Variants in CAMTA2 observed in about 807,000 individuals in gnomAD.
CAMTA2 encodes the protein calmodulin binding transcription activator 2.
In CAMTA2, 56 loss-of-function variants were observed where a neutral mutation model predicts 135.7. That is an observed-to-expected ratio of 0.41 (90% CI 0.33 to 0.52). The LOEUF (loss-of-function observed/expected upper bound fraction) is 0.52, where lower values mean the gene tolerates loss of function less well. Ranked by LOEUF, CAMTA2 falls within the 20% of genes least tolerant of loss-of-function variation. The pLI, the probability that CAMTA2 is intolerant of heterozygous loss-of-function variation, is 0.16. For missense variants in CAMTA2, 1,358 were observed against 1,553.4 expected, an observed-to-expected ratio of 0.87 and a Z score of 2.11; for synonymous variants, 591 against 604.6, an observed-to-expected ratio of 0.98 and a Z score of 0.33.
rs1156368080 is a variant in CAMTA2, at chr17:4,980,340, G to A, written c.982C>T (p.Leu328=). The A allele has an allele frequency of 9.3e-6, 15 of 1,613,922 alleles. No individual in the cohort carries two copies. The highest frequency in any genetic ancestry group is 1.6e-4 in the Middle Eastern group (1 of 6,084). Residue 328 remains leucine (L), a synonymous_variant, in exon 9 of 23, where the codon CTG becomes TTG. Transcript: ENST00000348066. The surrounding 1 kb of genome is among the most constrained non-coding windows in gnomAD (Gnocchi z 5.3). ...SSRGGTAILL[L]TGLEQRAGGL... ...CCAGCCCGCTGCTCCAGTCCTGTCA[G>A]GAGGAGGATAGCAGTGCCTCCTCTT... is the stretch of plus-strand genomic sequence containing the variant.
At position 4,972,549 on chromosome 17, in the gene CAMTA2, G is replaced by A. The variant is rs1972361378; in HGVS notation, c.2504-13C>T. 1 of 1,597,756 alleles carries A rather than the reference G, an allele frequency of 6.3e-7. No individual in the cohort carries two copies. Among genetic ancestry groups the A allele is most frequent in the Admixed American group, 1.8e-5 (1 of 55,798 alleles). On this transcript the variant is annotated splice_polypyrimidine_tract_variant and intron_variant, in intron 15 of 22. Coordinates refer to ENST00000348066, the MANE Select transcript of CAMTA2 (RefSeq NM_015099.4). ...ACGCTGCTCAGACCTGTGTGGGGAGGGAAGAGAGTGAGGGCAGCCGGAGCC... is the reference window on the plus strand; with the variant it reads ...ACGCTGCTCAGACCTGTGTGGGGAGAGAAGAGAGTGAGGGCAGCCGGAGCC...
intron 1 of CAMTA2, chr17:4,986,928 T>A: frequency 6.6e-7 from 1 of 1,513,136 alleles, no homozygotes; most frequent in Non-Finnish European, 8.9e-7. Context: ...CGCCTCTGCC[T>A]CCCCTGGCCT....
chr17:4,982,902 GA>G lies in CAMTA2; in HGVS notation c.204-11del. The G allele has an allele frequency of 6.2e-7, 1 of 1,614,186 alleles. No individual in the cohort carries two copies. Among genetic ancestry groups the G allele is most frequent in the Non-Finnish European group, 8.5e-7 (1 of 1,180,030 alleles). On this transcript the variant is annotated splice_polypyrimidine_tract_variant and intron_variant, in intron 4 of 22. Coordinates refer to ENST00000348066, the MANE Select transcript of CAMTA2 (RefSeq NM_015099.4). The stretch of plus-strand genomic sequence containing the variant: ...GGAGCCATTCTGAGGCCTGGGAAGG[GA>G]AGGGTTGCCCTGGAGTTCTGTGAAC...
chr17:4,986,927 C>T (rs1411980962), intron 1 of CAMTA2: 1 of 1,514,408 alleles, frequency 6.6e-7, no homozygotes. Context: ...ACGCCTCTGC[C>T]TCCCCTGGCC....
chr17:4,968,500 A>C lies in CAMTA2; in HGVS notation c.*256T>G. On this transcript the variant is annotated 3_prime_UTR_variant, in exon 23 of 23. Transcript: ENST00000348066. ...GGAGCAGGGGCAGGCAGGGCTCCGG[A>C]GGTCACAGCGGAAGATGCAGGTATG... 1 of 574,024 alleles carries C rather than the reference A, an allele frequency of 1.7e-6. No individual in the cohort carries two copies. The allele number at this position is 574,024 out of a possible 1,614,324, so 35.6% of individuals were successfully genotyped here. A position where few individuals can be genotyped will look rare whatever the true frequency, so the allele number is the denominator to read the frequency against.
Position 4,968,752 on chromosome 17 carries a change from C to T in CAMTA2, c.*4G>A. On this transcript the variant is annotated 3_prime_UTR_variant, in exon 23 of 23. Transcript: ENST00000348066. ...CCAGGGTGGTGAGAAAGGCGGTGGC[C>T]AGGTCATGTGGCCAGTCCCGGCTGG... The T allele has an allele frequency of 1.2e-6, 2 of 1,614,002 alleles. No individual in the cohort carries two copies. The highest frequency in any genetic ancestry group is 1.7e-6 in the Non-Finnish European group (2 of 1,179,996).
chr17:4,984,560 ACATACAC>A (rs1567699754), intron 3 of CAMTA2, among the ~76,000 whole-genome samples: 1 of 151,936 alleles, frequency 6.6e-6, no homozygotes, highest in Non-Finnish European at 1.5e-5. Context: ...CAACAATCAC[ACATACAC>A]ACATACACGC....
intron 1 of CAMTA2, chr17:4,987,295 CAT>C (rs1002578958): frequency 7.4e-7 from 1 of 1,343,738 alleles, no homozygotes; most frequent in African/African-American, 1.5e-5. Flanking sequence ...GTCCCGCCCG[CAT>C]AGAGGGATGT....
intron 1 of CAMTA2, chr17:4,987,303 G>A: frequency 7.4e-7 from 1 of 1,345,102 alleles, no homozygotes; most frequent in Non-Finnish European, 9.5e-7. Flanking sequence ...CGCATAGAGG[G>A]ATGTTCTGGA....
intron 3 of CAMTA2, among the ~76,000 whole-genome samples, chr17:4,984,555 AT>A (rs1194243665): frequency 6.6e-6 from 1 of 152,216 alleles, no homozygotes; most frequent in East Asian, 1.9e-4. Flanking sequence ...ACTTACAACA[AT>A]CACACATACA....
intron 15 of CAMTA2, 42 bp downstream of exon 15, chr17:4,972,727 C>G (rs754263520): frequency 8.2e-6 from 13 of 1,582,354 alleles, no homozygotes; most frequent in Non-Finnish European, 1.1e-5. Context: ...GCCTATCCTC[C>G]TACCTACATC....
chr17:4,970,295 C>T (rs1314630814), intron 17 of CAMTA2, 45 bp downstream of exon 17: 1 of 1,597,210 alleles, frequency 6.3e-7, no homozygotes, highest in South Asian at 1.1e-5. Flanking sequence ...CCCTTCCTCC[C>T]ATCTTCCTTT....
Position 4,968,783 on chromosome 17 carries a change from C to T in CAMTA2, c.3582G>A (p.Gly1194=), listed in dbSNP as rs1972069241. Residue 1194 remains glycine, a synonymous_variant, in exon 23 of 23, where the codon GGG becomes GGA. Coordinates refer to ENST00000348066, the MANE Select transcript of CAMTA2 (RefSeq NM_015099.4). ...RELKQNQELE[G]LPQPGLAT ...ATGTGGCCAGTCCCGGCTGGGGAAG[C>T]CCTTCCAGCTCCTGGTTCTGCTTCA... is the stretch of plus-strand genomic sequence containing the variant. 1 of 1,614,026 alleles carries T rather than the reference C, an allele frequency of 6.2e-7. No individual in the cohort carries two copies. Among genetic ancestry groups the T allele is most frequent in the African/African-American group, 1.3e-5 (1 of 74,934 alleles).
intron 3 of CAMTA2, among the ~76,000 whole-genome samples, chr17:4,984,228 G>A (rs1973134080): frequency 6.6e-6 from 1 of 152,204 alleles, no homozygotes; most frequent in Non-Finnish European, 1.5e-5. Context: ...GGGATTACAG[G>A]CGTGAGCCAC....
intron 1 of CAMTA2, chr17:4,987,251 G>C: frequency 7.4e-7 from 1 of 1,344,496 alleles, no homozygotes; most frequent in South Asian, 2.0e-5. Flanking sequence ...CCCCGGCGGA[G>C]TGGTGGTCCC....
Position 4,986,260 on chromosome 17 carries a change from AG to A in CAMTA2, c.-39del. ...AGGGGGCAAGGTCACCCCCGGCCTG[AG>A]GGGCCGGGGGGAGGGGGAGTCTGTG... On this transcript the variant is annotated 5_prime_UTR_variant, in exon 2 of 23. The change abolishes the stop of an existing upstream ORF in the 5' untranslated region. Coordinates refer to ENST00000348066, the MANE Select transcript of CAMTA2 (RefSeq NM_015099.4). 1 of 1,509,130 alleles carries A rather than the reference AG, an allele frequency of 6.6e-7. No homozygotes were observed. Among genetic ancestry groups the A allele is most frequent in the East Asian group, 2.3e-5 (1 of 43,840 alleles). The allele number at this position is 1,509,130 out of a possible 1,614,324, so 93.5% of individuals were successfully genotyped here.
At chr17:4,970,154 T>A in intron 17 of CAMTA2, 69 bp from the exon 18 acceptor site, 2 of 1,498,394 alleles carry the variant, frequency 1.3e-6, no homozygotes, top group Non-Finnish European at 1.8e-6. Context: ...TATGGATGGC[T>A]ACGAAGGAAA....
chr17:4,968,050 G>T lies in CAMTA2; in HGVS notation c.*706C>A. ...TATAAACCAAGCCCATGCACAAGTA[G>T]AAAGTGCCCGTGGAGCCGGCAGGAG... On this transcript the variant is annotated 3_prime_UTR_variant, in exon 23 of 23. Transcript: ENST00000348066. The T allele has an allele frequency of 1.9e-6, 1 of 536,480 alleles. No homozygotes were observed. Among genetic ancestry groups the T allele is most frequent in the South Asian group, 2.3e-5 (1 of 42,808 alleles). 33.2% of individuals were successfully genotyped at this position (536,480 alleles called of 1,614,324 possible). A position where few individuals can be genotyped will look rare whatever the true frequency, so the allele number is the denominator to read the frequency against.
intron 3 of CAMTA2, chr17:4,983,285 C>CA: frequency 2.4e-6 from 1 of 418,138 alleles, no homozygotes; most frequent in Non-Finnish European, 4.4e-6. Flanking sequence ...TCCTGTGCCC[C>CA]TTTTTTTTTC....
Sources: gnomAD v4.1 joint callset for allele counts (sites outside exome capture counted in the v4.1 genomes callset) on GRCh38, gnomAD v4.1.1 for gene constraint, Gnocchi (gnomAD v3.1) non-coding constraint, MANE v1.5 for transcripts, NCBI Gene and HGNC (gene_info 2026-07-23, HGNC 2026-07-21) for gene names.